HORMAD2: variants seen among roughly 807,000 people sequenced by gnomAD.
The protein encoded by HORMAD2 is HORMA domain-containing protein 2.
In HORMAD2, 45 loss-of-function variants were observed where a neutral mutation model predicts 38.8. The ratio of observed to expected loss-of-function variants is 1.16; its 90% CI spans 0.91 to 1.49. HORMAD2 has a LOEUF of 1.49. Ranked by LOEUF, HORMAD2 falls within the 40% of genes most tolerant of loss-of-function variation. The pLI, the probability that HORMAD2 is intolerant of heterozygous loss-of-function variation, is 0.00. For missense variants in HORMAD2, 338 were observed against 367.0 expected, an observed-to-expected ratio of 0.92 and a Z score of 0.65; for synonymous variants, 126 against 122.8, an observed-to-expected ratio of 1.03 and a Z score of -0.17.
chr22:30,199,502 G>A, the HORMAD2 span, among the ~76,000 whole-genome samples: 1 of 152,194 alleles, frequency 6.6e-6, no homozygotes, highest in Non-Finnish European at 1.5e-5. Context: ...AACATTTGCT[G>A]TTTTGTCTTC....
chr22:30,108,337 A>G (rs565192504), intron 5 of HORMAD2, among the ~76,000 whole-genome samples: 1 of 152,258 alleles, frequency 6.6e-6, no homozygotes, highest in South Asian at 2.1e-4. Context: ...AGGGTCCTTC[A>G]CATGGTCTGC....
intron 10 of HORMAD2, among the ~76,000 whole-genome samples, chr22:30,144,712 T>G (rs1054313319): frequency 3.3e-5 from 5 of 151,484 alleles, no homozygotes; most frequent in Non-Finnish European, 5.9e-5. Flanking sequence ...CAAGGGTGAT[T>G]GAGACCTCAG....
intron 10 of HORMAD2, among the ~76,000 whole-genome samples, chr22:30,134,323 C>G (rs532214752): frequency 6.7e-6 from 1 of 148,482 alleles, no homozygotes; most frequent in African/African-American, 2.5e-5. Flanking sequence ...CACTTGAACC[C>G]GGGAGGCGAA....
the HORMAD2 span, among the ~76,000 whole-genome samples, chr22:30,184,933 C>A: frequency 2.0e-5 from 3 of 152,200 alleles, no homozygotes; most frequent in Non-Finnish European, 4.4e-5. Context: ...ATATTCATTA[C>A]AGTCAAAGTC....
At chr22:30,124,468 C>G (rs1023910397) in intron 10 of HORMAD2, among the ~76,000 whole-genome samples, 1 of 152,198 alleles carries the variant, frequency 6.6e-6, no homozygotes, top group East Asian at 1.9e-4. Context: ...GAAGCCACCA[C>G]GTGTCCCTTC....
intron 1 of HORMAD2, among the ~76,000 whole-genome samples, chr22:30,091,035 G>C (rs910393948): frequency 5.3e-5 from 8 of 151,994 alleles, no homozygotes; most frequent in Non-Finnish European, 1.5e-5. Flanking sequence ...CTACTTCTGA[G>C]AGCTCATCTG....
At chr22:30,118,553 A>G (rs1195532253) in intron 7 of HORMAD2, among the ~76,000 whole-genome samples, 1 of 152,190 alleles carries the variant, frequency 6.6e-6, no homozygotes, top group African/African-American at 2.4e-5. Flanking sequence ...TATTTCCCCT[A>G]CTGGATTGTA....
chr22:30,079,568 C>T (rs544868591), upstream of HORMAD2, among the ~76,000 whole-genome samples: 3 of 151,478 alleles, frequency 2.0e-5, no homozygotes, highest in African/African-American at 7.3e-5. Context: ...TGCAATGGTA[C>T]GATCTTGGCT....
chr22:30,110,224 C>A (rs1753146110), intron 5 of HORMAD2, among the ~76,000 whole-genome samples: 1 of 151,682 alleles, frequency 6.6e-6, no homozygotes, highest in Admixed American at 6.6e-5. Flanking sequence ...CACATGTACC[C>A]CCAAAATATG....
chr22:30,174,402 GTTAT>G (rs751572843), intron 10 of HORMAD2, among the ~76,000 whole-genome samples: 3 of 152,080 alleles, frequency 2.0e-5, no homozygotes, highest in Non-Finnish European at 2.9e-5. Flanking sequence ...GTGTGTATAT[GTTAT>G]TTGTCTATGT....
the HORMAD2 span, among the ~76,000 whole-genome samples, chr22:30,195,615 T>C: frequency 6.6e-6 from 1 of 152,220 alleles, no homozygotes; most frequent in Non-Finnish European, 1.5e-5. Flanking sequence ...TGAACATCCT[T>C]TCTGAAGATA....
the HORMAD2 span, among the ~76,000 whole-genome samples, chr22:30,187,188 A>G: frequency 3.3e-5 from 5 of 152,234 alleles, no homozygotes; most frequent in Non-Finnish European, 5.9e-5. Context: ...GGTTTACTGT[A>G]TGCTAGATGT....
chr22:30,078,563 G>A (rs552412488), upstream of HORMAD2, among the ~76,000 whole-genome samples: 12 of 115,674 alleles, frequency 1.0e-4, no homozygotes, highest in South Asian at 2.7e-3. Context: ...CCAATATCAC[G>A]CCACTGCACT....
At position 30,176,157 on chromosome 22, in the gene HORMAD2, A is replaced by C; in HGVS notation, c.914A>C (p.Asn305Thr). ...VSEPVKVFIP[N>T]RK ...GAACCAGTGAAGGTCTTCATCCCTAACAGAAAATGAAAGCTAAATATTCCT... is the reference window on the plus strand; with the variant it reads ...GAACCAGTGAAGGTCTTCATCCCTACCAGAAAATGAAAGCTAAATATTCCT... Residue 305 changes from asparagine to threonine, a missense_variant, in exon 11 of 11, where the codon AAC (asparagine) becomes ACC (threonine). Physicochemically the swap from Asn to Thr is moderately conservative, Grantham distance 65. Coordinates refer to ENST00000336726, the MANE Select transcript of HORMAD2 (RefSeq NM_152510.4). The C allele has an allele frequency of 6.3e-7, 1 of 1,598,962 alleles. No homozygotes were observed. Among genetic ancestry groups the C allele is most frequent in the Non-Finnish European group, 8.6e-7 (1 of 1,167,290 alleles).
chr22:30,151,504 A>C (rs1924748239), intron 10 of HORMAD2, among the ~76,000 whole-genome samples: 1 of 152,194 alleles, frequency 6.6e-6, no homozygotes, highest in Admixed American at 6.5e-5. Context: ...TAAGAATTTC[A>C]ACATGAAAAA....
intron 4 of HORMAD2, 92 bp downstream of exon 4, chr22:30,103,592 T>A (rs767894714): frequency 2.0e-4 from 119 of 585,788 alleles, no homozygotes; most frequent in East Asian, 3.7e-4. Context: ...GATCATTTTT[T>A]AAAAAACCAT....
chr22:30,183,166 A>G, the HORMAD2 span, among the ~76,000 whole-genome samples: 2 of 152,262 alleles, frequency 1.3e-5, no homozygotes, highest in Non-Finnish European at 2.9e-5. Flanking sequence ...GAAAGAGCTC[A>G]GGGACAGAAA....
At chr22:30,086,784 GAT>G (rs150147330) in intron 1 of HORMAD2, among the ~76,000 whole-genome samples, 20 of 149,446 alleles carry the variant, frequency 1.3e-4, no homozygotes, top group Non-Finnish European at 8.9e-5. Context: ...ACACATTTGA[GAT>G]ATATATATAT....
intron 1 of HORMAD2, among the ~76,000 whole-genome samples, chr22:30,090,554 A>G (rs1412174963): frequency 6.6e-6 from 1 of 152,176 alleles, no homozygotes; most frequent in Non-Finnish European, 1.5e-5. Flanking sequence ...TTTTGAATAT[A>G]TACCTAGAGA....
Sources: gnomAD v4.1 joint callset for allele counts (sites outside exome capture counted in the v4.1 genomes callset) on GRCh38, gnomAD v4.1.1 for gene constraint, MANE v1.5 for transcripts, NCBI Gene and HGNC (gene_info 2026-07-23, HGNC 2026-07-21) for gene names.